Variants in CSMD1 observed in about 807,000 individuals in gnomAD.
CSMD1 encodes CUB and Sushi multiple domains 1.
CSMD1 carries 213 observed loss-of-function variants against 417.5 expected under a neutral mutation model. The ratio of observed to expected loss-of-function variants is 0.51; its 90% confidence interval spans 0.46 to 0.57. The LOEUF (loss-of-function observed/expected upper bound fraction) is 0.57, where lower values mean the gene tolerates loss of function less well. Among genes scored for constraint, CSMD1 ranks in the 20% least tolerant of loss-of-function variants. The probability of loss-of-function intolerance (pLI) is 0.00; values close to 1 mark genes in which losing one functional copy is unlikely to be tolerated. For synonymous variants in CSMD1, 2,862 were observed against 1,736.8 expected, an observed-to-expected ratio of 1.65 and a Z score of -16.11; for missense variants, 6,923 against 4,529.7, an observed-to-expected ratio of 1.53 and a Z score of -15.17.
At chr8:3,667,825 G>A (rs1407855925) in intron 7 of CSMD1, among the ~76,000 whole-genome samples, 2 of 152,180 alleles carry the variant, frequency 1.3e-5, no homozygotes, top group Admixed American at 1.3e-4. Flanking sequence ...TTCATGAACA[G>A]CAGGCATCCT....
chr8:3,285,455 T>C (rs971721965), intron 25 of CSMD1, among the ~76,000 whole-genome samples: 1 of 151,964 alleles, frequency 6.6e-6, no homozygotes, highest in Non-Finnish European at 1.5e-5. Flanking sequence ...GTCATGATCT[T>C]GGCTCACTGC....
chr8:3,147,207 C>T (rs1051582375), intron 40 of CSMD1, among the ~76,000 whole-genome samples: 3 of 152,038 alleles, frequency 2.0e-5, no homozygotes, highest in Admixed American at 2.0e-4. Context: ...TTTGCAAGAA[C>T]GATTTTTTCT....
chr8:4,032,478 A>C (rs1402147478), intron 3 of CSMD1, among the ~76,000 whole-genome samples: 2 of 152,190 alleles, frequency 1.3e-5, no homozygotes, highest in African/African-American at 4.8e-5. Context: ...TAGAAATCTA[A>C]AACAGTGGCA....
chr8:4,783,170 T>G (rs1167520181), intron 1 of CSMD1, among the ~76,000 whole-genome samples: 1 of 152,210 alleles, frequency 6.6e-6, no homozygotes, highest in Non-Finnish European at 1.5e-5. Flanking sequence ...ACCTGAAATT[T>G]TGTAGATAGT....
chr8:3,019,314 A>G (rs979304042), intron 51 of CSMD1, among the ~76,000 whole-genome samples: 1 of 152,214 alleles, frequency 6.6e-6, no homozygotes, highest in African/African-American at 2.4e-5. Context: ...AAGCGTGTCA[A>G]TCAAATAAAT....
chr8:3,500,311 G>T (rs1321801436), intron 10 of CSMD1, among the ~76,000 whole-genome samples: 1 of 151,968 alleles, frequency 6.6e-6, no homozygotes, highest in Non-Finnish European at 1.5e-5. Flanking sequence ...ACATCTCGAT[G>T]TCTGCTAAGC....
In CSMD1 at chr8:4,215,761, T is replaced by C. The variant is rs965842605; in HGVS notation, c.416-183662A>G. Among the ~76,000 whole-genome samples, 6 of 152,332 alleles carry C rather than the reference T, an allele frequency of 3.9e-5. No homozygotes were observed. The East Asian group carries it at 1.2e-3, about 29-fold the overall frequency. ...GTAATACTTCCTGTCACTTTTTCTT[T>C]AAAACATTGTTTTCTTGGTGGAATA... is the stretch of plus-strand genomic sequence containing the variant. On this transcript the variant is annotated intron_variant, in intron 3 of 69. Transcript: ENST00000635120.
chr8:3,538,805 G>A (rs774807405), intron 10 of CSMD1, among the ~76,000 whole-genome samples: 1 of 152,288 alleles, frequency 6.6e-6, no homozygotes, highest in East Asian at 1.9e-4. Flanking sequence ...TGCACCAAGA[G>A]CCTGGTGGAA....
chr8:4,978,090 A>G (rs1017590145), intron 1 of CSMD1, among the ~76,000 whole-genome samples: 28 of 152,188 alleles, frequency 1.8e-4, no homozygotes, highest in Admixed American at 3.9e-4. Flanking sequence ...TATCTCGATC[A>G]TGGCCACGTG....
chr8:3,995,044 T>C (rs934768139), intron 5 of CSMD1, among the ~76,000 whole-genome samples: 5 of 152,150 alleles, frequency 3.3e-5, no homozygotes, highest in African/African-American at 9.7e-5. Flanking sequence ...GTCTATGCAA[T>C]TCGGGAATGG....
intron 1 of CSMD1, among the ~76,000 whole-genome samples, chr8:4,723,230 A>C (rs982619759): frequency 6.6e-6 from 1 of 152,102 alleles, no homozygotes; most frequent in African/African-American, 2.4e-5. Context: ...GCTCCTTTTA[A>C]AGACATTTCA....
At chr8:4,521,904 G>C (rs533204709) in intron 2 of CSMD1, among the ~76,000 whole-genome samples, 9 of 152,312 alleles carry the variant, frequency 5.9e-5, no homozygotes, top group African/African-American at 2.2e-4. Flanking sequence ...CGCCATGGCA[G>C]GCACACCATG....
chr8:4,733,524 G>T (rs1254328782), intron 1 of CSMD1, among the ~76,000 whole-genome samples: 1 of 152,198 alleles, frequency 6.6e-6, no homozygotes, highest in East Asian at 1.9e-4. Context: ...GTGCAACAAG[G>T]AAGATAGATA....
chr8:3,501,856 C>T (rs1234133828), intron 10 of CSMD1, among the ~76,000 whole-genome samples: 1 of 152,064 alleles, frequency 6.6e-6, no homozygotes, highest in Non-Finnish European at 1.5e-5. Context: ...CATAAAACAA[C>T]TAAAAATGTA....
chr8:3,397,211 C>T (rs944428872), intron 16 of CSMD1, among the ~76,000 whole-genome samples: 1 of 152,132 alleles, frequency 6.6e-6, no homozygotes, highest in African/African-American at 2.4e-5. Flanking sequence ...CAGGGAGCAG[C>T]TTAAGCGTCA....
chr8:3,775,484 C>T lies in CSMD1; in HGVS notation c.819-21442G>A, dbSNP rs931792286. 7.9e-5 allele frequency among the ~76,000 whole-genome samples: 12 copies of T among 152,098 alleles called. 1 individual carries two copies. Among genetic ancestry groups the T allele is most frequent in the African/African-American group, 2.2e-4 (9 of 41,426 alleles). ...ATCAATGATACTCATGAAAAGGACA[C>T]GGGGTGAAGTTATGAATAACATTTC... On this transcript the variant is annotated intron_variant, in intron 5 of 69. Coordinates refer to ENST00000635120, the MANE Select transcript of CSMD1 (RefSeq NM_033225.6).
chr8:4,696,384 G>C (rs971942631), intron 1 of CSMD1, among the ~76,000 whole-genome samples: 3 of 152,160 alleles, frequency 2.0e-5, no homozygotes, highest in Admixed American at 6.5e-5. Context: ...TCTATAGTAT[G>C]AAGAATTTTA....
At chr8:3,452,630 G>C (rs1016672124) in intron 12 of CSMD1, among the ~76,000 whole-genome samples, 4 of 152,058 alleles carry the variant, frequency 2.6e-5, no homozygotes, top group Non-Finnish European at 1.5e-5. Context: ...AATTGATTTG[G>C]GTATGTTGAA....
At chr8:3,394,984 C>G (rs1238369593) in intron 17 of CSMD1, among the ~76,000 whole-genome samples, 1 of 151,970 alleles carries the variant, frequency 6.6e-6, no homozygotes, top group African/African-American at 2.4e-5. Context: ...TTTGTGTATA[C>G]TTATATGAGT....
Sources: allele counts gnomAD v4.1 joint callset (sites outside exome capture counted in the v4.1 genomes callset), GRCh38; gene constraint gnomAD v4.1.1; transcripts MANE v1.5; gene names NCBI Gene and HGNC (gene_info 2026-07-23, HGNC 2026-07-21).